Variants in RBMS3 observed in about 807,000 individuals in gnomAD.
RBMS3 encodes the protein RNA-binding motif, single-stranded-interacting protein 3.
RBMS3 carries 27 observed loss-of-function variants against 66.8 expected under a neutral mutation model. The observed-to-expected ratio is 0.40, with a 90% CI of 0.30 to 0.56. RBMS3 has a LOEUF of 0.56. Among genes scored for constraint, RBMS3 ranks in the 20% least tolerant of loss-of-function variants. The probability of loss-of-function intolerance (pLI) is 0.40; values close to 1 mark genes in which losing one functional copy is unlikely to be tolerated. For synonymous variants in RBMS3, 188 were observed against 183.0 expected (o/e 1.03, Z -0.22); for missense variants, 513 against 549.5 (o/e 0.93, Z 0.66).
At chr3:29,933,160 A>T (rs2149683556) in intron 10 of RBMS3, among the ~76,000 whole-genome samples, 1 of 152,304 alleles carries the variant, frequency 6.6e-6, no homozygotes. Context: ...AATTATGCTT[A>T]ATGTGTTGGC....
At chr3:29,859,909 T>C (rs2059172306) in intron 6 of RBMS3, among the ~76,000 whole-genome samples, 1 of 151,944 alleles carries the variant, frequency 6.6e-6, no homozygotes, top group Admixed American at 6.5e-5. Flanking sequence ...CATACACACA[T>C]ACACACTCTG....
chr3:29,583,608 A>G (rs1376367170), intron 3 of RBMS3, among the ~76,000 whole-genome samples: 2 of 152,130 alleles, frequency 1.3e-5, no homozygotes, highest in African/African-American at 4.8e-5. Flanking sequence ...TCCAGGTACA[A>G]TGGGTGAAGG....
In RBMS3 at chr3:29,411,766, A is replaced by G. The variant is rs374839486; in HGVS notation, c.76-22977A>G. Among the ~76,000 whole-genome samples, 39 of 152,332 alleles carry G rather than the reference A, an allele frequency of 2.6e-4. No homozygotes were observed. In the South Asian group the frequency reaches 8.1e-3, roughly 32 times the overall value. ...GTTGGTAGCTATTTGCTACAAATAT[A>G]TTGCTTTTCCAGCAAAGAATGGATC... is the stretch of plus-strand genomic sequence containing the variant. On this transcript the variant is annotated intron_variant, in intron 1 of 14. Coordinates refer to ENST00000383767, the MANE Select transcript of RBMS3 (RefSeq NM_001003793.3).
chr3:30,002,480 T>G (rs1179169019), intron 14 of RBMS3, among the ~76,000 whole-genome samples: 1 of 151,960 alleles, frequency 6.6e-6, no homozygotes, highest in Non-Finnish European at 1.5e-5. Flanking sequence ...ATGGAGTAAG[T>G]CTATAGTTTG....
chr3:29,287,111 G>A (rs765277566), intron 1 of RBMS3, among the ~76,000 whole-genome samples: 7 of 152,078 alleles, frequency 4.6e-5, no homozygotes, highest in Non-Finnish European at 1.0e-4. Flanking sequence ...CGTGTGTTGA[G>A]GATATGTGTT....
intron 6 of RBMS3, among the ~76,000 whole-genome samples, chr3:29,775,838 T>C (rs1259250432): frequency 1.3e-5 from 2 of 151,954 alleles, no homozygotes; most frequent in Non-Finnish European, 2.9e-5. Flanking sequence ...ACATAAAATC[T>C]TAAAAAAATT....
intron 10 of RBMS3, among the ~76,000 whole-genome samples, chr3:29,908,762 A>G (rs1257293907): frequency 6.6e-6 from 1 of 152,174 alleles, no homozygotes; most frequent in Non-Finnish European, 1.5e-5. Flanking sequence ...AAATATGTGC[A>G]TGATATTTTT....
chr3:29,984,313 A>C (rs2149788429), intron 12 of RBMS3, among the ~76,000 whole-genome samples: 1 of 152,072 alleles, frequency 6.6e-6, no homozygotes, highest in African/African-American at 2.4e-5. Context: ...CAATTCCTCT[A>C]GCCTTTTTTC....
In RBMS3 at chr3:29,431,977, C is replaced by G. The variant is rs150566021; in HGVS notation, c.76-2766C>G. Among the ~76,000 whole-genome samples the G allele has an allele frequency of 8.6e-3, 1,311 of 152,276 alleles. 22 individuals carry two copies. Among genetic ancestry groups the G allele is most frequent in the African/African-American group, 0.03 (1,243 of 41,546 alleles). Reference sequence around the variant, plus strand: ...TCCTGGGCTCAAGCAGTCCACCCATCTCAGCCTCCCAAAGTGCTAGGATTA... The same window carrying G: ...TCCTGGGCTCAAGCAGTCCACCCATGTCAGCCTCCCAAAGTGCTAGGATTA... On this transcript the variant is annotated intron_variant, in intron 1 of 14. Transcript: ENST00000383767.
At chr3:29,530,123 T>A (rs943126578) in intron 3 of RBMS3, among the ~76,000 whole-genome samples, 2 of 152,184 alleles carry the variant, frequency 1.3e-5, no homozygotes, top group Non-Finnish European at 2.9e-5. Flanking sequence ...AAAAGCCTTT[T>A]TTACCCCAAT....
intron 6 of RBMS3, among the ~76,000 whole-genome samples, chr3:29,838,663 A>G (rs2149499191): frequency 6.6e-6 from 1 of 152,290 alleles, no homozygotes; most frequent in African/African-American, 2.4e-5. Flanking sequence ...AGTGATGGAT[A>G]TTTGCTAAGT....
At chr3:29,802,377 A>G (rs983101563) in intron 6 of RBMS3, among the ~76,000 whole-genome samples, 5 of 152,196 alleles carry the variant, frequency 3.3e-5, no homozygotes, top group Non-Finnish European at 7.3e-5. Context: ...CTTTAGTCCA[A>G]GGGTATGGAT....
chr3:29,302,504 C>T (rs923281163), intron 1 of RBMS3, among the ~76,000 whole-genome samples: 4 of 151,844 alleles, frequency 2.6e-5, no homozygotes, highest in Non-Finnish European at 5.9e-5. Context: ...AGTGGATTGT[C>T]CCCACAATCT....
At chr3:29,769,048 C>A (rs2083489) in intron 6 of RBMS3, among the ~76,000 whole-genome samples, 5,631 of 151,870 alleles carry the variant, frequency 0.037, 341 homozygotes, top group African/African-American at 0.13. Context: ...AATTTCATGG[C>A]CCAAATGTAC....
At chr3:29,884,084 T>C in intron 7 of RBMS3, 78 bp from the exon 8 acceptor site, 3 of 1,218,856 alleles carry the variant, frequency 2.5e-6, no homozygotes, top group South Asian at 1.3e-5. Context: ...GATAAGAGTC[T>C]TTGTGTGTAC....
chr3:29,778,448 A>G (rs2056502767), intron 6 of RBMS3, among the ~76,000 whole-genome samples: 1 of 149,966 alleles, frequency 6.7e-6, no homozygotes, highest in Non-Finnish European at 1.5e-5. Context: ...TTTTTTGTGC[A>G]AGGGGATTGG....
At chr3:29,812,146 T>G (rs2057747615) in intron 6 of RBMS3, among the ~76,000 whole-genome samples, 1 of 152,098 alleles carries the variant, frequency 6.6e-6, no homozygotes. Flanking sequence ...GAGTCAGATG[T>G]CCTCCCCTCC....
intron 2 of RBMS3, among the ~76,000 whole-genome samples, chr3:29,462,560 A>C (rs2042406914): frequency 6.6e-6 from 1 of 152,176 alleles, no homozygotes; most frequent in Admixed American, 6.5e-5. Context: ...CTTAAATATC[A>C]GTTCTGGGAT....
intron 6 of RBMS3, among the ~76,000 whole-genome samples, chr3:29,829,565 T>A (rs2058309158): frequency 6.6e-6 from 1 of 152,178 alleles, no homozygotes; most frequent in African/African-American, 2.4e-5. Flanking sequence ...AGTGGAATAT[T>A]GTGAAATAGC....
Sources: gnomAD v4.1 joint callset for allele counts (sites outside exome capture counted in the v4.1 genomes callset) on GRCh38, gnomAD v4.1.1 for gene constraint, MANE v1.5 for transcripts, NCBI Gene and HGNC (gene_info 2026-07-23, HGNC 2026-07-21) for gene names.